Variants in SYT1 observed in about 807,000 individuals in gnomAD.
SYT1 encodes the protein synaptotagmin-1.
SYT1 carries 8 observed loss-of-function variants against 44.8 expected under a neutral mutation model. The observed-to-expected ratio is 0.18, with a 90% CI of 0.10 to 0.32. The LOEUF (loss-of-function observed/expected upper bound fraction) is 0.32. Among genes scored for constraint, SYT1 ranks in the 10% least tolerant of loss-of-function variants. SYT1 has a pLI of 1.00. For missense variants in SYT1, 286 were observed against 509.3 expected, an observed-to-expected ratio of 0.56 and a Z score of 4.22; for synonymous variants, 154 against 188.8, an observed-to-expected ratio of 0.82 and a Z score of 1.51.
At chr12:79,212,570 A>G (rs891777149) in intron 3 of SYT1, among the ~76,000 whole-genome samples, 1 of 151,298 alleles carries the variant, frequency 6.6e-6, no homozygotes, top group Admixed American at 6.6e-5. Context: ...ATTCAATAAT[A>G]TTTTTCTTGA....
intron 9 of SYT1, among the ~76,000 whole-genome samples, chr12:79,442,499 A>T (rs892234271): frequency 2.6e-5 from 4 of 152,026 alleles, no homozygotes; most frequent in Non-Finnish European, 5.9e-5. Flanking sequence ...TGTAACATTT[A>T]AAAAAATCTC....
intron 1 of SYT1, among the ~76,000 whole-genome samples, chr12:78,909,756 C>A (rs1185477583): frequency 6.6e-6 from 1 of 151,966 alleles, no homozygotes; most frequent in African/African-American, 2.4e-5. Context: ...ACTTTAATAA[C>A]TAACACCTAT....
At chr12:78,884,575 T>G (rs1238862366) in intron 1 of SYT1, among the ~76,000 whole-genome samples, 2 of 151,554 alleles carry the variant, frequency 1.3e-5, no homozygotes, top group African/African-American at 4.8e-5. Context: ...TCTTGTTTGT[T>G]TAATATTTTC....
At chr12:79,040,565 T>C (rs1410203701) in intron 2 of SYT1, among the ~76,000 whole-genome samples, 10 of 152,164 alleles carry the variant, frequency 6.6e-5, no homozygotes, top group South Asian at 6.2e-4. Context: ...TTCTCCCATT[T>C]TGTAGGTTGC....
At chr12:78,928,821 T>G (rs75552149) in intron 1 of SYT1, among the ~76,000 whole-genome samples, 13,037 of 152,082 alleles carry the variant, frequency 0.086, 642 homozygotes, top group East Asian at 0.18. Flanking sequence ...TTTCCAAAAT[T>G]TTTTATTTAA....
chr12:79,376,262 G>T (rs1306987494), intron 9 of SYT1, among the ~76,000 whole-genome samples: 1 of 152,222 alleles, frequency 6.6e-6, no homozygotes, highest in East Asian at 1.9e-4. Context: ...AGGAATAAAA[G>T]AATGGCTACT....
chr12:78,899,454 A>T (rs1592537029), intron 1 of SYT1, among the ~76,000 whole-genome samples: 1 of 152,036 alleles, frequency 6.6e-6, no homozygotes, highest in African/African-American at 2.4e-5. Flanking sequence ...ATTTATATTT[A>T]AAAAGATGTG....
Position 78,984,936 on chromosome 12 carries a change from C to T in SYT1, c.-84+7005C>T, listed in dbSNP as rs116417392. ...CAAAACCGCAGTTATTTGTAGTTTG[C>T]GACATAATCTTGTAAGAAAATAAGT... On this transcript the variant is annotated intron_variant, in intron 2 of 10. Transcript: ENST00000261205. Among the ~76,000 whole-genome samples, 148 of 151,570 alleles carry T rather than the reference C, an allele frequency of 9.8e-4. 1 individual carries two copies. The highest frequency in any genetic ancestry group is 3.3e-3 in the African/African-American group (137 of 41,352).
rs116174643 is a variant in SYT1, at chr12:79,173,806, G to A, written c.-17-43697G>A. Among the ~76,000 whole-genome samples the A allele has an allele frequency of 8.7e-3, 1,319 of 152,138 alleles. 19 individuals carry two copies. Among genetic ancestry groups the A allele is most frequent in the African/African-American group, 0.029 (1,225 of 41,542 alleles). ...AATTTTTAATGAATTTAGTCAGTAC[G>A]ATTTGAGACTTTCTTTATTAATATT... On this transcript the variant is annotated intron_variant, in intron 3 of 10. Coordinates refer to ENST00000261205, the MANE Select transcript of SYT1 (RefSeq NM_005639.3).
intron 8 of SYT1, among the ~76,000 whole-genome samples, chr12:79,317,677 G>A (rs114816418): frequency 0.011 from 1,730 of 152,260 alleles, 38 homozygotes; most frequent in African/African-American, 0.039. Context: ...CTGGCATCAG[G>A]AAGTGCTCAA....
chr12:79,336,563 A>G (rs377360751), intron 8 of SYT1, among the ~76,000 whole-genome samples: 1 of 151,962 alleles, frequency 6.6e-6, no homozygotes, highest in Admixed American at 6.6e-5. Flanking sequence ...GACAGAGGCC[A>G]TGGCAAGCTA....
intron 3 of SYT1, among the ~76,000 whole-genome samples, chr12:79,051,959 C>T (rs912475276): frequency 6.6e-6 from 1 of 151,942 alleles, no homozygotes; most frequent in African/African-American, 2.4e-5. Flanking sequence ...AGTCAGGTAG[C>T]GTGATGCCTC....
rs374062564 is a variant in SYT1 at position 79,035,835 on chromosome 12, C to A, written c.-83-11462C>A. Among the ~76,000 whole-genome samples, 16 of 151,646 alleles carry A rather than the reference C, an allele frequency of 1.1e-4. 1 individual carries two copies. The highest frequency in any genetic ancestry group is 5.9e-4 in the East Asian group (3 of 5,122). Reference sequence around the variant, plus strand: ...TGCTTGTAATGCTTTTTAAATAGACCTTTCTCATTAAAGAACTGTACATCT... The same window carrying A: ...TGCTTGTAATGCTTTTTAAATAGACATTTCTCATTAAAGAACTGTACATCT... On this transcript the variant is annotated intron_variant, in intron 2 of 10. Transcript: ENST00000261205.
chr12:78,872,481 C>T lies in SYT1; in HGVS notation c.-217+7372C>T, dbSNP rs1870948. Among the ~76,000 whole-genome samples the T allele has an allele frequency of 4.6e-5, 7 of 151,466 alleles. No individual in the cohort carries two copies. The South Asian group carries it at 1.2e-3, about 27-fold the overall frequency. On this transcript the variant is annotated intron_variant, in intron 1 of 10. Coordinates refer to ENST00000261205, the MANE Select transcript of SYT1 (RefSeq NM_005639.3). Reference sequence around the variant, plus strand: ...CCTGTATGCATCGAAGCATATTACACCTCACAGCCTGAATAGGAAAGATTT... The same window carrying T: ...CCTGTATGCATCGAAGCATATTACATCTCACAGCCTGAATAGGAAAGATTT...
intron 4 of SYT1, among the ~76,000 whole-genome samples, chr12:79,278,202 A>G (rs1182027989): frequency 6.6e-6 from 1 of 152,142 alleles, no homozygotes; most frequent in Non-Finnish European, 1.5e-5. Context: ...CCAAAAGTGC[A>G]GCATATACAT....
intron 3 of SYT1, among the ~76,000 whole-genome samples, chr12:79,058,844 C>A (rs1263864336): frequency 6.6e-6 from 1 of 151,982 alleles, no homozygotes; most frequent in Non-Finnish European, 1.5e-5. Context: ...GATACATTTT[C>A]TTCAATACTA....
At chr12:79,349,060 G>GAAAGAAAGAAAGAAA (rs1565920027) in intron 8 of SYT1, among the ~76,000 whole-genome samples, 7 of 128,824 alleles carry the variant, frequency 5.4e-5, no homozygotes, top group African/African-American at 1.6e-4. Context: ...AAAGAAAGGA[G>GAAAGAAAGAAAGAAA]GGAGGGAGGG....
intron 9 of SYT1, among the ~76,000 whole-genome samples, chr12:79,372,986 T>A (rs907277253): frequency 6.6e-6 from 1 of 152,170 alleles, no homozygotes; most frequent in East Asian, 1.9e-4. Flanking sequence ...ACCAAAAATA[T>A]TAATCATAAA....
intron 5 of SYT1, among the ~76,000 whole-genome samples, chr12:79,286,889 T>TC (rs35780532): frequency 0.36 from 55,379 of 151,990 alleles, 10,347 homozygotes; most frequent in East Asian, 0.59. Context: ...ATCAATGTTT[T>TC]CATCAAATAC....
Sources: gnomAD v4.1 joint callset for allele counts (sites outside exome capture counted in the v4.1 genomes callset) on GRCh38, gnomAD v4.1.1 for gene constraint, MANE v1.5 for transcripts, NCBI Gene and HGNC (gene_info 2026-07-23, HGNC 2026-07-21) for gene names.